Variants in SLC25A42 observed in about 807,000 individuals in gnomAD.
The protein encoded by SLC25A42 is mitochondrial coenzyme A transporter SLC25A42.
In SLC25A42, 19 loss-of-function variants were observed where a neutral mutation model predicts 34.7. That is an observed-to-expected ratio of 0.55 (90% CI 0.38 to 0.80). SLC25A42 has a LOEUF of 0.80. Ranked by LOEUF, SLC25A42 falls within the 30% of genes least tolerant of loss-of-function variation. The pLI is 0.00. For missense variants in SLC25A42, 364 were observed against 441.3 expected (o/e 0.82, Z 1.57); for synonymous variants, 205 against 191.2 (o/e 1.07, Z -0.59).
At chr19:19,094,793 C>T (rs1298650980) in intron 1 of SLC25A42, among the ~76,000 whole-genome samples, 8 of 152,216 alleles carry the variant, frequency 5.3e-5, no homozygotes. Flanking sequence ...GGAATCCCAG[C>T]ATTTTGGGAG....
chr19:19,108,568 A>T (rs1158302397), intron 7 of SLC25A42, among the ~76,000 whole-genome samples: 1 of 148,188 alleles, frequency 6.7e-6, no homozygotes, highest in Non-Finnish European at 1.5e-5. Context: ...AAAAAAAGTG[A>T]CTCTGGGAAG....
intron 1 of SLC25A42, among the ~76,000 whole-genome samples, chr19:19,092,340 C>G (rs2059742517): frequency 6.6e-6 from 1 of 152,240 alleles, no homozygotes; most frequent in East Asian, 1.9e-4. Context: ...CCCAGCTGCC[C>G]TCAGTGCTCT....
At chr19:19,107,271 C>T (rs1392501561) in intron 6 of SLC25A42, among the ~76,000 whole-genome samples, 1 of 147,350 alleles carries the variant, frequency 6.8e-6, no homozygotes, top group African/African-American at 2.5e-5. Context: ...GAGCCATGAT[C>T]ACGTCACTGC....
intron 7 of SLC25A42, 68 bp downstream of exon 7, chr19:19,108,113 TG>T: frequency 6.6e-7 from 1 of 1,505,794 alleles, no homozygotes; most frequent in South Asian, 1.3e-5. Flanking sequence ...CAGCTCCACC[TG>T]GGTCACATAG....
intron 1 of SLC25A42, among the ~76,000 whole-genome samples, chr19:19,070,256 A>G (rs1376822097): frequency 1.3e-5 from 2 of 149,824 alleles, no homozygotes; most frequent in Non-Finnish European, 3.0e-5. Context: ...CGGCCTCCCA[A>G]AGTGCTGGGA....
In SLC25A42 at chr19:19,105,177, T is replaced by C. The variant is rs558300351; in HGVS notation, c.213+239T>C. On this transcript the variant is annotated intron_variant, in intron 4 of 7. Coordinates refer to ENST00000318596, the MANE Select transcript of SLC25A42 (RefSeq NM_178526.5). Reference sequence around the variant, plus strand: ...TCTAAAACAACCTTTTCATGTTTGATTTATTGTTAAACAGAGAGCAGGTGC... The same window carrying C: ...TCTAAAACAACCTTTTCATGTTTGACTTATTGTTAAACAGAGAGCAGGTGC... The C allele has an allele frequency of 1.1e-4, 68 of 593,530 alleles. No individual in the cohort carries two copies. In the South Asian group the frequency reaches 1.5e-3, roughly 13 times the overall value. 36.8% of individuals were successfully genotyped at this position (593,530 alleles called of 1,614,324 possible).
At chr19:19,073,265 T>TTGCCTTCCAGGGACCCC (rs953463897) in intron 1 of SLC25A42, among the ~76,000 whole-genome samples, 54 of 152,256 alleles carry the variant, frequency 3.5e-4, no homozygotes, top group African/African-American at 1.2e-3. Context: ...ACATGGACCC[T>TTGCCTTCCAGGGACCCC]TGCCTTCCAG....
At chr19:19,092,115 TCAACC>T (rs2059741204) in intron 1 of SLC25A42, among the ~76,000 whole-genome samples, 1 of 152,204 alleles carries the variant, frequency 6.6e-6, no homozygotes, top group African/African-American at 2.4e-5. Flanking sequence ...GGCCTCATCC[TCAACC>T]CTCCCCACTG....
chr19:19,074,734 TGTGA>T (rs1481342250), intron 1 of SLC25A42, among the ~76,000 whole-genome samples: 10 of 151,982 alleles, frequency 6.6e-5, no homozygotes, highest in Admixed American at 3.3e-4. Flanking sequence ...TGTGTGTGTG[TGTGA>T]GTGTATGTGT....
At chr19:19,084,080 C>G (rs1337108432) in intron 1 of SLC25A42, among the ~76,000 whole-genome samples, 1 of 151,928 alleles carries the variant, frequency 6.6e-6, no homozygotes, top group Non-Finnish European at 1.5e-5. Flanking sequence ...CCCAGTGTGC[C>G]CCTGCAGGCA....
rs777152180 is a variant in SLC25A42, at chr19:19,096,018, G to A, written c.-34-73G>A. On this transcript the variant is annotated intron_variant, in intron 1 of 7. Transcript: ENST00000318596. Reference sequence around the variant, plus strand: ...ACGCAGGGAGCCAGAAACTGGGATAGGAAAAGGCTGGTGGAACACCCACCA... The same window carrying A: ...ACGCAGGGAGCCAGAAACTGGGATAAGAAAAGGCTGGTGGAACACCCACCA... The A allele has an allele frequency of 1.5e-5, 15 of 1,032,416 alleles. No homozygotes were observed. In the African/African-American group the frequency reaches 1.9e-4, roughly 13 times the overall value. The allele number at this position is 1,032,416 out of a possible 1,614,324, so 64.0% of individuals were successfully genotyped here. A position where few individuals can be genotyped will look rare whatever the true frequency, so the allele number is the denominator to read the frequency against.
At chr19:19,110,388 C>T (rs542529611) in intron 7 of SLC25A42, among the ~76,000 whole-genome samples, 181 bp from the exon 8 acceptor site, 2 of 152,268 alleles carry the variant, frequency 1.3e-5, no homozygotes, top group East Asian at 3.9e-4. Context: ...GTGAAAGGAG[C>T]GACCCGGAGG....
rs1199319652 is a variant in SLC25A42 at position 19,106,359 on chromosome 19, G to C, written c.471G>C (p.Ala157=). ...CCTACCCCCTGGACCTGGTCAGAGCGCGGATGGCCGTAACCCCGAAGGAAA... is the reference window on the plus strand; with the variant it reads ...CCTACCCCCTGGACCTGGTCAGAGCCCGGATGGCCGTAACCCCGAAGGAAA... ...SLTYPLDLVR[A]RMAVTPKEMY... is the part of the protein sequence containing the mutation. The change falls in exon 6 of 8, where the codon GCG becomes GCC. Residue 157 remains alanine, a synonymous_variant. Coordinates refer to ENST00000318596, the MANE Select transcript of SLC25A42 (RefSeq NM_178526.5). The C allele has an allele frequency of 6.2e-7, 1 of 1,613,060 alleles. No individual in the cohort carries two copies. Among genetic ancestry groups the C allele is most frequent in the African/African-American group, 1.3e-5 (1 of 74,890 alleles).
At chr19:19,105,248 CA>C (rs2059819708) in intron 4 of SLC25A42, 3 of 572,754 alleles carry the variant, frequency 5.2e-6, no homozygotes, top group Admixed American at 3.0e-5. Context: ...GCTGGGATGC[CA>C]AACACCAACA....
chr19:19,084,499 CAG>C (rs940637889), intron 1 of SLC25A42, among the ~76,000 whole-genome samples: 35 of 152,216 alleles, frequency 2.3e-4, no homozygotes, highest in African/African-American at 8.4e-4. Flanking sequence ...CAAGGCCACA[CAG>C]ATAGGAATCA....
chr19:19,099,852 T>G (rs532560495), intron 2 of SLC25A42, among the ~76,000 whole-genome samples: 1 of 152,148 alleles, frequency 6.6e-6, no homozygotes, highest in South Asian at 2.1e-4. Flanking sequence ...CTCAGTTTTC[T>G]GAGTAACTAG....
rs147936172 is a variant in SLC25A42, at chr19:19,097,854, G to C, written c.81+1649G>C. ...GGCACGCACCTGTAATCCCAGCTCC[G>C]CATGAGGTTGAAGTGGGAGAATCGC... is the stretch of plus-strand genomic sequence containing the variant. On this transcript the variant is annotated intron_variant, in intron 2 of 7. Coordinates refer to ENST00000318596, the MANE Select transcript of SLC25A42 (RefSeq NM_178526.5). Among the ~76,000 whole-genome samples the C allele has an allele frequency of 4.2e-3, 643 of 151,964 alleles. 7 individuals carry two copies. The highest frequency in any genetic ancestry group is 0.015 in the African/African-American group (621 of 41,432).
Position 19,109,712 on chromosome 19 carries a change from C to T in SLC25A42, c.650-857C>T, listed in dbSNP as rs1474015825. On this transcript the variant is annotated intron_variant, in intron 7 of 7. Coordinates refer to ENST00000318596, the MANE Select transcript of SLC25A42 (RefSeq NM_178526.5). This position sits in a 1 kb window ranked among gnomAD's most constrained non-coding sequence, Gnocchi z 4.1. Reference sequence around the variant, plus strand: ...CCTCCCAAAGTGCTGAGATTACAGGCGTGAGTCACTGCACCCAGCCTTGGC... The same window carrying T: ...CCTCCCAAAGTGCTGAGATTACAGGTGTGAGTCACTGCACCCAGCCTTGGC... 2.6e-5 allele frequency among the ~76,000 whole-genome samples: 4 copies of T among 152,164 alleles called. No individual in the cohort carries two copies. The highest frequency in any genetic ancestry group is 7.2e-5 in the African/African-American group (3 of 41,432).
intron 1 of SLC25A42, among the ~76,000 whole-genome samples, chr19:19,069,970 C>T (rs1410649139): frequency 6.6e-6 from 1 of 151,598 alleles, no homozygotes; most frequent in Non-Finnish European, 1.5e-5. Flanking sequence ...GGATTATAGG[C>T]ATGCACCACC....
Sources: gnomAD v4.1 joint callset for allele counts (sites outside exome capture counted in the v4.1 genomes callset) on GRCh38, gnomAD v4.1.1 for gene constraint, Gnocchi (gnomAD v3.1) non-coding constraint, MANE v1.5 for transcripts, NCBI Gene and HGNC (gene_info 2026-07-23, HGNC 2026-07-21) for gene names.